The following DISC1 variants were observed in gnomAD, a reference collection of about 807,000 sequenced individuals.
The protein encoded by DISC1 is DISC1 scaffold protein, also known as disrupted in schizophrenia 1 protein.
Under a neutral mutation model 84.5 loss-of-function variants are expected in DISC1, and 57 were observed. The observed-to-expected ratio is 0.67, with a 90% CI of 0.55 to 0.84. The LOEUF is 0.84. Among genes scored for constraint, DISC1 ranks in the 40% least tolerant of loss-of-function variants. DISC1 has a pLI of 0.00. For missense variants in DISC1, 1,000 were observed against 1,057.8 expected, an observed-to-expected ratio of 0.95 and a Z score of 0.76; for synonymous variants, 411 against 415.2, an observed-to-expected ratio of 0.99 and a Z score of 0.12.
intron 6 of DISC1, among the ~76,000 whole-genome samples, chr1:231,792,201 A>C (rs1406160626): frequency 1.3e-5 from 2 of 152,190 alleles, no homozygotes; most frequent in Non-Finnish European, 2.9e-5. Context: ...TTATAAATCA[A>C]ATTAAATATA....
At position 231,694,316 on chromosome 1, in the gene DISC1, C is replaced by A. The variant is rs767741003; in HGVS notation, c.558C>A (p.Ser186Arg). The stretch of plus-strand genomic sequence containing the variant: ...CATCAGCAGAGTTGAGTAGCAACAG[C>A]TGCAGCCCTGGCTGTGGCCCTGAGG... ...SLPSAELSSN[S>R]CSPGCGPEVP... The change falls in exon 2 of 13, where the codon AGC (serine) becomes AGA (arginine). Residue 186 changes from serine (S) to arginine (R), a missense_variant. Physicochemically the swap from Ser to Arg is moderately radical, Grantham distance 110. This residue lies in a region of DISC1 where 292 missense variants were observed against 280.2 expected (regional missense o/e 1.04). Transcript: ENST00000439617. 7.4e-6 allele frequency: 12 copies of A among 1,614,266 alleles called. No individual in the cohort carries two copies. The highest frequency in any genetic ancestry group is 9.3e-6 in the Non-Finnish European group (11 of 1,180,042).
intron 8 of DISC1, among the ~76,000 whole-genome samples, chr1:231,812,514 C>T (rs2080401982): frequency 6.6e-6 from 1 of 152,176 alleles, no homozygotes; most frequent in South Asian, 2.1e-4. Flanking sequence ...ACAACCCTGA[C>T]AGAAAATGGC....
At chr1:231,875,402 T>G (rs370192679) in intron 9 of DISC1, among the ~76,000 whole-genome samples, 32 of 152,246 alleles carry the variant, frequency 2.1e-4, no homozygotes, top group African/African-American at 6.7e-4. Context: ...GGGCTCCTCA[T>G]CCTGCTGCCT....
At position 231,697,900 on chromosome 1, in the gene DISC1, C is replaced by A. The variant is rs866624402; in HGVS notation, c.1047+3095C>A. On this transcript the variant is annotated intron_variant, in intron 2 of 12. Coordinates refer to ENST00000439617, the MANE Select transcript of DISC1 (RefSeq NM_018662.3). ...CTTTTTGTGGTCTATTTAATGCCATCTTTTTTTACATTTTTGTGCTCTTTA... is the reference window on the plus strand; with the variant it reads ...CTTTTTGTGGTCTATTTAATGCCATATTTTTTTACATTTTTGTGCTCTTTA... Among the ~76,000 whole-genome samples, 17 of 152,230 alleles carry A rather than the reference C, an allele frequency of 1.1e-4. 1 individual carries two copies. In the South Asian group the frequency reaches 2.9e-3, roughly 26 times the overall value.
At chr1:231,958,760 A>T in intron 9 of DISC1, 68 bp from the exon 10 acceptor site, 1 of 1,485,814 alleles carries the variant, frequency 6.7e-7, no homozygotes, top group East Asian at 2.3e-5. Context: ...TTGAGCTTTT[A>T]GTTGAATGGT....
In DISC1 at chr1:231,703,771, T is replaced by C. The variant is rs1020024753; in HGVS notation, c.1117+1747T>C. ...CAAAGAATACAGGCATCTTCTTTAGTGTTTCTGCCTTTTTCTGTTCCTGTT... is the reference window on the plus strand; with the variant it reads ...CAAAGAATACAGGCATCTTCTTTAGCGTTTCTGCCTTTTTCTGTTCCTGTT... On this transcript the variant is annotated intron_variant, in intron 3 of 12. Transcript: ENST00000439617. Among the ~76,000 whole-genome samples, 3 of 152,158 alleles carry C rather than the reference T, an allele frequency of 2.0e-5. No homozygotes were observed. The East Asian group carries it at 5.8e-4, about 29-fold the overall frequency.
At chr1:231,730,782 T>C (rs2071413983) in intron 3 of DISC1, among the ~76,000 whole-genome samples, 1 of 152,196 alleles carries the variant, frequency 6.6e-6, no homozygotes, top group Non-Finnish European at 1.5e-5. Flanking sequence ...GTGCACAGAA[T>C]TGGTCATTTA....
At position 231,815,942 on chromosome 1, in the gene DISC1, A is replaced by G. The variant is rs531074019; in HGVS notation, c.1793-2387A>G. ...CACTGTGACCATTTATTTGAGTGCA[A>G]ATATTTTTGATGACATGTTTTCATT... On this transcript the variant is annotated intron_variant, in intron 8 of 12. Coordinates refer to ENST00000439617, the MANE Select transcript of DISC1 (RefSeq NM_018662.3). 7.9e-5 allele frequency among the ~76,000 whole-genome samples: 12 copies of G among 152,234 alleles called. No homozygotes were observed. The South Asian group carries it at 2.5e-3, about 32-fold the overall frequency.
At position 231,935,702 on chromosome 1, in the gene DISC1, C is replaced by T. The variant is rs116166844; in HGVS notation, c.1982-23126C>T. ...TAAATTAAGCACATTTACAATTGCC[C>T]TTGAAAATTCCTTAAGTTGCCCATA... On this transcript the variant is annotated intron_variant, in intron 9 of 12. Transcript: ENST00000439617. 4.3e-3 allele frequency among the ~76,000 whole-genome samples: 649 copies of T among 152,246 alleles called. 5 individuals are homozygous for T. The highest frequency in any genetic ancestry group is 0.015 in the African/African-American group (618 of 41,546).
intron 1 of DISC1, among the ~76,000 whole-genome samples, chr1:231,651,741 G>A (rs111553223): frequency 3.2e-4 from 49 of 152,334 alleles, no homozygotes; most frequent in African/African-American, 1.1e-3. Context: ...GGTGGGCTCC[G>A]CCCAGTTCAA....
intron 9 of DISC1, among the ~76,000 whole-genome samples, chr1:231,923,320 A>C (rs1287990820): frequency 6.9e-6 from 1 of 145,178 alleles, no homozygotes; most frequent in Non-Finnish European, 1.5e-5. Context: ...AAAAAAAAAC[A>C]AAAAGAAAAA....
chr1:232,028,953 TG>T (rs1362592398), intron 12 of DISC1, among the ~76,000 whole-genome samples: 1 of 152,200 alleles, frequency 6.6e-6, no homozygotes, highest in Admixed American at 6.5e-5. Context: ...GGGAACAACT[TG>T]GCTGACACAA....
At chr1:231,649,963 C>T (rs550955448) in intron 1 of DISC1, among the ~76,000 whole-genome samples, 8 of 152,246 alleles carry the variant, frequency 5.3e-5, no homozygotes, top group South Asian at 2.1e-4. Context: ...TGTCTCTGCA[C>T]GTGAGATTGG....
At chr1:231,724,580 G>GGCA (rs562688277) in intron 3 of DISC1, among the ~76,000 whole-genome samples, 264 of 152,262 alleles carry the variant, frequency 1.7e-3, no homozygotes, top group African/African-American at 6.2e-3. Context: ...TTCCCCCAAA[G>GGCA]GCAGTCTCTC....
chr1:231,635,406 C>T (rs1298253161), intron 1 of DISC1, among the ~76,000 whole-genome samples: 1 of 151,510 alleles, frequency 6.6e-6, no homozygotes, highest in Non-Finnish European at 1.5e-5. Flanking sequence ...AAATGTCATC[C>T]CTCATTTACC....
intron 10 of DISC1, among the ~76,000 whole-genome samples, chr1:231,963,998 A>T (rs538555058): frequency 6.6e-6 from 1 of 152,144 alleles, no homozygotes. Context: ...TCAGGGGTCG[A>T]TCTTTAACTG....
At chr1:231,657,341 C>T (rs373303519) in intron 1 of DISC1, among the ~76,000 whole-genome samples, 1 of 152,214 alleles carries the variant, frequency 6.6e-6, no homozygotes, top group South Asian at 2.1e-4. Context: ...GGTGTTAGAT[C>T]GTATCTTATT....
At chr1:231,754,280 A>G (rs1318389795) in intron 4 of DISC1, among the ~76,000 whole-genome samples, 1 of 152,202 alleles carries the variant, frequency 6.6e-6, no homozygotes, top group East Asian at 1.9e-4. Context: ...GGTAATTTAT[A>G]AAGAAAAGAG....
chr1:231,766,179 A>G (rs1305407654), intron 4 of DISC1, among the ~76,000 whole-genome samples: 1 of 149,882 alleles, frequency 6.7e-6, no homozygotes, highest in Non-Finnish European at 1.5e-5. Context: ...AGTCCCAGCT[A>G]TTCGGGAGGC....
Sources: gnomAD v4.1 joint callset for allele counts (sites outside exome capture counted in the v4.1 genomes callset) on GRCh38, gnomAD v4.1.1 for gene constraint, gnomAD v4.1.1 regional missense constraint, MANE v1.5 for transcripts, NCBI Gene and HGNC (gene_info 2026-07-23, HGNC 2026-07-21) for gene names.